Variants in RUNDC3A observed in about 807,000 individuals in gnomAD.
The protein encoded by RUNDC3A is RUN domain containing 3A.
In RUNDC3A, 28 loss-of-function variants were observed where a neutral mutation model predicts 53.9. That is an observed-to-expected ratio of 0.52 (90% CI 0.38 to 0.71). The LOEUF (loss-of-function observed/expected upper bound fraction) is 0.71, where lower values mean the gene tolerates loss of function less well. RUNDC3A is among the 30% of genes least tolerant of loss of function. The pLI is 0.00. For missense variants in RUNDC3A, 491 were observed against 597.3 expected, an observed-to-expected ratio of 0.82 and a Z score of 1.85; for synonymous variants, 232 against 249.4, an observed-to-expected ratio of 0.93 and a Z score of 0.66.
chr17:44,312,041 G>A lies in RUNDC3A; in HGVS notation c.108-539G>A, dbSNP rs757857271. 6.6e-5 allele frequency among the ~76,000 whole-genome samples: 10 copies of A among 152,276 alleles called. No individual in the cohort carries two copies. In the East Asian group the frequency reaches 1.5e-3, roughly 24 times the overall value. ...ACTGGGAGCCCACCTGGCCACCTGC[G>A]CATGCCCACACTCCATGTGCACAGT... On this transcript the variant is annotated intron_variant, in intron 1 of 10. Transcript: ENST00000426726.
intron 10 of RUNDC3A, chr17:44,317,063 C>T (rs2047880963): frequency 1.1e-5 from 4 of 374,484 alleles, no homozygotes; most frequent in African/African-American, 2.1e-5. Context: ...CCAGGCTGGT[C>T]TCGAACTCCT....
In RUNDC3A at chr17:44,316,614, C is replaced by T. The variant is rs1409413120; in HGVS notation, c.1092-5C>T. 3 of 1,552,620 alleles carry T rather than the reference C, an allele frequency of 1.9e-6. No individual in the cohort carries two copies. Among genetic ancestry groups the T allele is most frequent in the Non-Finnish European group, 1.7e-6 (2 of 1,147,846 alleles). Reference sequence around the variant, plus strand: ...ACCGGCGCACCAGCTCTCGCTCTGCCGCAGACACAGCTTCATGAGCACGGA... The same window carrying T: ...ACCGGCGCACCAGCTCTCGCTCTGCTGCAGACACAGCTTCATGAGCACGGA... On this transcript the variant is annotated splice_region_variant and splice_polypyrimidine_tract_variant and intron_variant, in intron 9 of 10. Coordinates refer to ENST00000426726, the MANE Select transcript of RUNDC3A (RefSeq NM_001144825.2).
intron 4 of RUNDC3A, chr17:44,314,352 C>G (rs1428923249): frequency 9.6e-7 from 1 of 1,045,532 alleles, no homozygotes; most frequent in African/African-American, 1.7e-5. Context: ...ATTGGCCATA[C>G]CCAGCCTGAT....
chr17:44,315,391 G>T lies in RUNDC3A; in HGVS notation c.796-61G>T. On this transcript the variant is annotated intron_variant, in intron 7 of 10. Transcript: ENST00000426726. This position sits in a 1 kb window ranked among gnomAD's most constrained non-coding sequence, Gnocchi z 6.1. ...GATCCGGGCATCCCGGGGCGGGGCG[G>T]GGATGGGGGCCGCGGCCGGGACGTC... The T allele has an allele frequency of 7.6e-7, 1 of 1,323,096 alleles. No individual in the cohort carries two copies. Among genetic ancestry groups the T allele is most frequent in the Non-Finnish European group, 9.7e-7 (1 of 1,033,508 alleles). The allele number at this position is 1,323,096 out of a possible 1,614,324, so 82.0% of individuals were successfully genotyped here. A position where few individuals can be genotyped will look rare whatever the true frequency, so the allele number is the denominator to read the frequency against.
At chr17:44,309,515 G>A (rs923629231) in intron 1 of RUNDC3A, among the ~76,000 whole-genome samples, 1 of 152,144 alleles carries the variant, frequency 6.6e-6, no homozygotes, top group African/African-American at 2.4e-5. Context: ...GGAGAAGATC[G>A]GGAGGACAGG....
chr17:44,317,066 G>A (rs994213307), intron 10 of RUNDC3A: 7 of 371,050 alleles, frequency 1.9e-5, no homozygotes, highest in Admixed American at 4.3e-5. Context: ...GGCTGGTCTC[G>A]AACTCCTGAC....
chr17:44,311,381 A>C (rs1469520937), intron 1 of RUNDC3A: 2 of 977,456 alleles, frequency 2.0e-6, no homozygotes, highest in East Asian at 2.3e-4. Context: ...AGAATCAGAC[A>C]TACCTGCTTG....
At chr17:44,312,848 C>T (rs1462856233) in intron 2 of RUNDC3A, among the ~76,000 whole-genome samples, 153 bp downstream of exon 2, 1 of 151,952 alleles carries the variant, frequency 6.6e-6, no homozygotes, top group Non-Finnish European at 1.5e-5. Flanking sequence ...GACTCTGAAC[C>T]CCCTCATTGA....
chr17:44,308,791 T>TGGGGGG lies in RUNDC3A; in HGVS notation c.-40_-35dup. The TGGGGGG allele has an allele frequency of 1.0e-6, 1 of 996,378 alleles. No individual in the cohort carries two copies. The highest frequency in any genetic ancestry group is 1.3e-6 in the Non-Finnish European group (1 of 783,930). 61.7% of individuals were successfully genotyped at this position (996,378 alleles called of 1,614,324 possible). ...GACGGGTTTGGGGCTCCGGGAGGGG[T>TGGGGGG]GGGGGGGCAGCGGGCGGCGGCAGCA... On this transcript the variant is annotated 5_prime_UTR_variant, in exon 1 of 11. Coordinates refer to ENST00000426726, the MANE Select transcript of RUNDC3A (RefSeq NM_001144825.2).
chr17:44,314,562 G>T, intron 4 of RUNDC3A, 173 bp from the exon 5 acceptor site: 2 of 1,439,974 alleles, frequency 1.4e-6, no homozygotes, highest in Non-Finnish European at 1.8e-6. Flanking sequence ...TGGGGCCACA[G>T]GTGCGAGCCC....
chr17:44,313,875 G>A, intron 4 of RUNDC3A: 1 of 782,660 alleles, frequency 1.3e-6, no homozygotes, highest in Non-Finnish European at 1.6e-6. Context: ...TCTCCATGTT[G>A]GTCAGGCTGG....
At chr17:44,312,738 C>T in intron 2 of RUNDC3A, 43 bp downstream of exon 2, 2 of 1,026,404 alleles carry the variant, frequency 1.9e-6, no homozygotes, top group Non-Finnish European at 2.8e-6. Flanking sequence ...CCCCCAGCGC[C>T]CCTCCCCCAG....
rs954045507 is a variant in RUNDC3A at position 44,315,358 on chromosome 17, G to A, written c.795+38G>A. 3.1e-6 allele frequency: 4 copies of A among 1,310,232 alleles called. No individual in the cohort carries two copies. Among genetic ancestry groups the A allele is most frequent in the Middle Eastern group, 2.9e-4 (1 of 3,488 alleles). The allele number at this position is 1,310,232 out of a possible 1,614,324, so 81.2% of individuals were successfully genotyped here. On this transcript the variant is annotated intron_variant, in intron 7 of 10. Transcript: ENST00000426726. This position sits in a 1 kb window ranked among gnomAD's most constrained non-coding sequence, Gnocchi z 6.1. ...GGCGGGCCCGGGGGGCGGGCGGGCCGGGCGGGGGATCCGGGCATCCCGGGG... is the reference window on the plus strand; with the variant it reads ...GGCGGGCCCGGGGGGCGGGCGGGCCAGGCGGGGGATCCGGGCATCCCGGGG...
chr17:44,311,563 T>A (rs578113181), intron 1 of RUNDC3A: 2 of 160,146 alleles, frequency 1.2e-5, no homozygotes, highest in African/African-American at 2.4e-5. Context: ...TAGGGCTTGA[T>A]AAATATAAGA....
chr17:44,317,241 G>C, intron 10 of RUNDC3A: 1 of 596,044 alleles, frequency 1.7e-6, no homozygotes, highest in Non-Finnish European at 3.0e-6. Context: ...AAATCTGGCT[G>C]TGCCTCCTCT....
intron 10 of RUNDC3A, 59 bp downstream of exon 10, chr17:44,316,784 G>C: frequency 2.0e-6 from 2 of 1,002,960 alleles, no homozygotes; most frequent in Non-Finnish European, 1.5e-6. Context: ...GCAAGGCCCT[G>C]AGGCCTCAAG....
intron 1 of RUNDC3A, 106 bp from the exon 2 acceptor site, chr17:44,312,474 G>A: frequency 1.5e-6 from 1 of 665,282 alleles, no homozygotes; most frequent in Non-Finnish European, 2.7e-6. Flanking sequence ...CCACATCCAT[G>A]CCCTTCCTGA....
rs772090544 is a variant in RUNDC3A at position 44,318,248 on chromosome 17, T to C, written c.*10T>C. The C allele has an allele frequency of 3.2e-6, 5 of 1,546,902 alleles. No homozygotes were observed. In the African/African-American group the frequency reaches 4.1e-5, roughly 13 times the overall value. On this transcript the variant is annotated 3_prime_UTR_variant, in exon 11 of 11. Coordinates refer to ENST00000426726, the MANE Select transcript of RUNDC3A (RefSeq NM_001144825.2). ...ACTGAGCCCCAGCTGAGGAACAGCA[T>C]GGGCAGTGCCAGCCCCACCTGCCAG...
Position 44,315,551 on chromosome 17 carries a change from C to G in RUNDC3A, c.895C>G (p.Gln299Glu). ...GCTGCAGCTGGAGGAGGCGGCGGCG[C>G]AGAACCAGCGCGAGAAACGGGAGCT... ...LQLQLEEAAA[Q>E]NQREKRELEG... Residue 299 changes from glutamine (Q) to glutamate (E), a missense_variant, in exon 8 of 11, where the codon CAG becomes GAG. Physicochemically the swap from Gln to Glu is conservative, Grantham distance 29 (BLOSUM62 2). Transcript: ENST00000426726. The surrounding 1 kb of genome is among the most constrained non-coding windows in gnomAD (Gnocchi z 6.1). 1 of 1,515,868 alleles carries G rather than the reference C, an allele frequency of 6.6e-7. No homozygotes were observed. Among genetic ancestry groups the G allele is most frequent in the Non-Finnish European group, 8.8e-7 (1 of 1,132,104 alleles). 93.9% of individuals were successfully genotyped at this position (1,515,868 alleles called of 1,614,324 possible).
Sources: gnomAD v4.1 joint callset for allele counts (sites outside exome capture counted in the v4.1 genomes callset) on GRCh38, gnomAD v4.1.1 for gene constraint, Gnocchi (gnomAD v3.1) non-coding constraint, MANE v1.5 for transcripts, NCBI Gene and HGNC (gene_info 2026-07-23, HGNC 2026-07-21) for gene names.